The following DLG2 variants were observed in gnomAD, a reference collection of about 807,000 sequenced individuals.
DLG2 encodes the protein disks large homolog 2.
Under a neutral mutation model 132.5 loss-of-function variants are expected in DLG2, and 45 were observed. That is an observed-to-expected ratio of 0.34 (90% CI 0.27 to 0.44). The LOEUF (loss-of-function observed/expected upper bound fraction) is 0.44. DLG2 is among the 20% of genes least tolerant of loss of function. The pLI, the probability that DLG2 is intolerant of heterozygous loss-of-function variation, is 1.00. For synonymous variants in DLG2, 424 were observed against 419.6 expected (o/e 1.01, Z -0.13); for missense variants, 1,045 against 1,196.9 (o/e 0.87, Z 1.87).
chr11:84,996,336 C>T (rs1445337553), intron 6 of DLG2, among the ~76,000 whole-genome samples: 1 of 152,090 alleles, frequency 6.6e-6, no homozygotes, highest in Non-Finnish European at 1.5e-5. Context: ...TATTTAAACT[C>T]AGGCCACTCT....
chr11:83,946,252 T>C (rs1049746134), intron 14 of DLG2, among the ~76,000 whole-genome samples: 11 of 152,178 alleles, frequency 7.2e-5, no homozygotes, highest in Non-Finnish European at 1.2e-4. Flanking sequence ...ACTCCCAAAA[T>C]GCTGGGATTA....
chr11:83,718,164 G>A (rs186075760), intron 18 of DLG2, among the ~76,000 whole-genome samples: 4 of 152,290 alleles, frequency 2.6e-5, no homozygotes, highest in Admixed American at 6.5e-5. Flanking sequence ...AGGAAAGGGA[G>A]CACCTCTCTG....
chr11:85,314,981 C>T (rs1270354805), intron 3 of DLG2, among the ~76,000 whole-genome samples: 4 of 151,936 alleles, frequency 2.6e-5, no homozygotes, highest in African/African-American at 9.7e-5. Flanking sequence ...TCATCTAAGC[C>T]TGGAAAGTGA....
At chr11:85,020,778 A>T in intron 6 of DLG2, 1 of 706,770 alleles carries the variant, frequency 1.4e-6, no homozygotes, top group East Asian at 2.8e-5. Context: ...TATGTGCTTC[A>T]AAGTCATCCT....
chr11:85,095,868 A>G (rs2069646293), intron 6 of DLG2, among the ~76,000 whole-genome samples: 2 of 152,156 alleles, frequency 1.3e-5, no homozygotes, highest in African/African-American at 2.4e-5. Flanking sequence ...CAAATATATC[A>G]AATTAATTCA....
intron 7 of DLG2, among the ~76,000 whole-genome samples, chr11:84,415,099 A>T (rs890660001): frequency 6.6e-5 from 10 of 152,222 alleles, no homozygotes; most frequent in African/African-American, 2.4e-4. Context: ...GTGCACTATT[A>T]TTCCCCTAAA....
intron 7 of DLG2, among the ~76,000 whole-genome samples, chr11:84,511,005 T>C (rs1403109199): frequency 1.3e-5 from 2 of 152,100 alleles, no homozygotes; most frequent in Non-Finnish European, 2.9e-5. Flanking sequence ...TTCCCTAATG[T>C]TTGGAATTTT....
intron 19 of DLG2, among the ~76,000 whole-genome samples, chr11:83,605,926 C>G (rs542517848): frequency 6.6e-6 from 1 of 152,132 alleles, no homozygotes; most frequent in Non-Finnish European, 1.5e-5. Flanking sequence ...TAGCATTTAC[C>G]GCTCTAAACT....
At chr11:85,217,741 C>T (rs1388254621) in intron 4 of DLG2, among the ~76,000 whole-genome samples, 2 of 152,216 alleles carry the variant, frequency 1.3e-5, no homozygotes, top group African/African-American at 4.8e-5. Context: ...TCCCTTTGCA[C>T]ATGCTTTCCT....
In DLG2 at chr11:84,129,608, A is replaced by T. The variant is rs538988926; in HGVS notation, c.625-30561T>A. On this transcript the variant is annotated intron_variant, in intron 9 of 27. Transcript: ENST00000376104. ...GAGTGTATGGTAAGAAAAGAAGTATATAGTTGCTTTTTTTGAGAACGTAAA... is the reference window on the plus strand; with the variant it reads ...GAGTGTATGGTAAGAAAAGAAGTATTTAGTTGCTTTTTTTGAGAACGTAAA... Among the ~76,000 whole-genome samples the T allele has an allele frequency of 2.0e-5, 3 of 152,236 alleles. No homozygotes were observed. The South Asian group carries it at 6.2e-4, about 32-fold the overall frequency.
chr11:83,715,185 A>C (rs975235702), intron 18 of DLG2, among the ~76,000 whole-genome samples: 2 of 152,210 alleles, frequency 1.3e-5, no homozygotes, highest in Non-Finnish European at 2.9e-5. Flanking sequence ...AAAAACTCAC[A>C]GGAATCATTG....
At chr11:84,773,693 A>G (rs146108656) in intron 6 of DLG2, among the ~76,000 whole-genome samples, 9 of 152,258 alleles carry the variant, frequency 5.9e-5, no homozygotes, top group African/African-American at 1.9e-4. Flanking sequence ...CAAAAACCAT[A>G]TCATCTCAAT....
intron 6 of DLG2, among the ~76,000 whole-genome samples, chr11:84,943,221 G>T (rs2049724565): frequency 6.6e-6 from 1 of 150,644 alleles, no homozygotes; most frequent in African/African-American, 2.5e-5. Flanking sequence ...CAGCTACTCT[G>T]TCTTTTAATT....
chr11:84,786,553 T>C (rs2072929544), intron 6 of DLG2, among the ~76,000 whole-genome samples: 1 of 152,184 alleles, frequency 6.6e-6, no homozygotes, highest in Non-Finnish European at 1.5e-5. Flanking sequence ...GAGCTCCCTA[T>C]TTCTCTGTTC....
At chr11:84,145,387 T>C (rs2095040355) in intron 9 of DLG2, among the ~76,000 whole-genome samples, 1 of 152,234 alleles carries the variant, frequency 6.6e-6, no homozygotes, top group Non-Finnish European at 1.5e-5. Context: ...TACAAACCAG[T>C]ACAATCAATA....
At chr11:84,949,244 T>C (rs1413167127) in intron 6 of DLG2, among the ~76,000 whole-genome samples, 4 of 151,896 alleles carry the variant, frequency 2.6e-5, no homozygotes, top group Non-Finnish European at 2.9e-5. Flanking sequence ...AGTGTGCGAA[T>C]AGGTGTGGGT....
chr11:84,416,588 G>C (rs764797296), intron 7 of DLG2, among the ~76,000 whole-genome samples: 1 of 152,158 alleles, frequency 6.6e-6, no homozygotes, highest in Non-Finnish European at 1.5e-5. Flanking sequence ...AAAACATGTG[G>C]TTTGGGATAA....
chr11:84,958,933 G>C (rs1422799135), intron 6 of DLG2, among the ~76,000 whole-genome samples: 1 of 152,134 alleles, frequency 6.6e-6, no homozygotes, highest in Non-Finnish European at 1.5e-5. Flanking sequence ...AATAAACATA[G>C]GTTGAATTTC....
intron 9 of DLG2, among the ~76,000 whole-genome samples, chr11:84,127,446 A>G (rs2094226041): frequency 6.6e-6 from 1 of 152,202 alleles, no homozygotes. Flanking sequence ...ACTGGAGGCT[A>G]GAAGTCTGAA....
Sources: allele counts gnomAD v4.1 joint callset (sites outside exome capture counted in the v4.1 genomes callset), GRCh38; gene constraint gnomAD v4.1.1; transcripts MANE v1.5; gene names NCBI Gene and HGNC (gene_info 2026-07-23, HGNC 2026-07-21).